DMXL2: variants seen among roughly 807,000 people sequenced by gnomAD.
The protein encoded by DMXL2 is dmX-like protein 2.
Under a neutral mutation model 331.1 loss-of-function variants are expected in DMXL2, and 103 were observed. The ratio of observed to expected loss-of-function variants is 0.31; its 90% CI spans 0.27 to 0.37. The LOEUF (loss-of-function observed/expected upper bound fraction) is 0.37. Ranked by LOEUF, DMXL2 falls within the 10% of genes least tolerant of loss-of-function variation. The probability of loss-of-function intolerance (pLI) is 1.00; values close to 1 mark genes in which losing one functional copy is unlikely to be tolerated. For synonymous variants in DMXL2, 1,281 were observed against 1,252.1 expected, an observed-to-expected ratio of 1.02 and a Z score of -0.49; for missense variants, 3,171 against 3,642.9, an observed-to-expected ratio of 0.87 and a Z score of 3.33.
chr15:51,609,993 T>G (rs1299990490), intron 1 of DMXL2, among the ~76,000 whole-genome samples: 3 of 151,830 alleles, frequency 2.0e-5, no homozygotes, highest in Non-Finnish European at 4.4e-5. Context: ...TGCACGACGA[T>G]GAAATTGCCT....
At chr15:51,483,189 G>A (rs765478878) in intron 23 of DMXL2, among the ~76,000 whole-genome samples, 21 of 152,148 alleles carry the variant, frequency 1.4e-4, no homozygotes, top group Admixed American at 7.2e-4. Flanking sequence ...TCACGCAACG[G>A]CACTGACCCA....
chr15:51,551,918 A>C (rs1447888288), intron 6 of DMXL2, among the ~76,000 whole-genome samples: 3 of 152,240 alleles, frequency 2.0e-5, no homozygotes, highest in African/African-American at 7.2e-5. Context: ...AAAGTATTTA[A>C]TAAGGAGACT....
chr15:51,577,584 A>G (rs930869381), intron 1 of DMXL2, among the ~76,000 whole-genome samples: 3 of 152,216 alleles, frequency 2.0e-5, no homozygotes, highest in African/African-American at 4.8e-5. Context: ...AGGAAAGCCA[A>G]ACTGAAGGGG....
Position 51,450,182 on chromosome 15 carries a change from A to C in DMXL2, c.8914T>G (p.Leu2972Val). The change falls in exon 43 of 44, where the codon TTG (leucine) becomes GTG (valine). Residue 2972 changes from leucine to valine, a missense_variant. Coordinates refer to ENST00000560891, the MANE Select transcript of DMXL2 (RefSeq NM_001378457.1). The stretch of plus-strand genomic sequence containing the variant: ...GTAAAATATTCCTCATAGGGATCCA[A>C]GGCCAGAGCCTTAATAGCTGAGTCA... ...AHDSAIKALA[L>V]DPYEEYFTTG... The C allele has an allele frequency of 3.7e-6, 6 of 1,614,120 alleles. No homozygotes were observed. Among genetic ancestry groups the C allele is most frequent in the Non-Finnish European group, 5.1e-6 (6 of 1,180,018 alleles).
chr15:51,520,812 G>A (rs12441870), intron 13 of DMXL2, among the ~76,000 whole-genome samples: 5,121 of 152,142 alleles, frequency 0.034, 153 homozygotes, highest in Middle Eastern at 0.085. Context: ...AGCTGAGATC[G>A]CGCCACTGCA....
In DMXL2 at chr15:51,480,666, C is replaced by G; in HGVS notation, c.6440G>C (p.Trp2147Ser). ...CAGGAGATCTTGGTTTTTCTGCAAC[C>G]ACGACTTTCGTCTTTCTGCATGCTC... ...KREHAERRKS[W>S]LQKNQDLLRV... The change falls in exon 24 of 44, where the codon TGG becomes TCG. Residue 2147 changes from tryptophan (W) to serine (S), a missense_variant. This residue lies in a region of DMXL2 where 197 missense variants were observed against 196.2 expected (regional missense o/e 1.00). Transcript: ENST00000560891. 3 of 1,612,848 alleles carry G rather than the reference C, an allele frequency of 1.9e-6. No individual in the cohort carries two copies. Among genetic ancestry groups the G allele is most frequent in the Non-Finnish European group, 2.5e-6 (3 of 1,179,002 alleles).
chr15:51,523,404 A>G (rs1335272861), intron 13 of DMXL2, among the ~76,000 whole-genome samples: 1 of 152,246 alleles, frequency 6.6e-6, no homozygotes, highest in Non-Finnish European at 1.5e-5. Flanking sequence ...GAGACTTTGA[A>G]AGTTCCTGAC....
Position 51,448,852 on chromosome 15 carries a change from A to C in DMXL2, c.*132T>G. ...CCACCAACCTGTTTAGATAATACTC[A>C]GCTTGGGTCATATTCAAATTCTACA... On this transcript the variant is annotated 3_prime_UTR_variant, in exon 44 of 44. Coordinates refer to ENST00000560891, the MANE Select transcript of DMXL2 (RefSeq NM_001378457.1). 3 of 884,762 alleles carry C rather than the reference A, an allele frequency of 3.4e-6. No homozygotes were observed. In the East Asian group the frequency reaches 7.9e-5, roughly 23 times the overall value. The allele number at this position is 884,762 out of a possible 1,614,324, so 54.8% of individuals were successfully genotyped here.
chr15:51,458,835 A>T, intron 34 of DMXL2, 40 bp from the exon 35 acceptor site: 14 of 1,534,320 alleles, frequency 9.1e-6, no homozygotes, highest in Non-Finnish European at 1.3e-5. Flanking sequence ...GCTGCAGCAC[A>T]GCTCTATTTA....
At chr15:51,622,120 C>A (rs1200423446) in intron 1 of DMXL2, among the ~76,000 whole-genome samples, 2 of 152,206 alleles carry the variant, frequency 1.3e-5, no homozygotes, top group Non-Finnish European at 2.9e-5. Context: ...AACGGACGCT[C>A]TGGGGTTTCA....
intron 1 of DMXL2, among the ~76,000 whole-genome samples, chr15:51,604,587 T>C (rs1471818864): frequency 6.6e-6 from 1 of 152,164 alleles, no homozygotes; most frequent in East Asian, 1.9e-4. Flanking sequence ...TAAACACTGA[T>C]GAAAAATCAA....
chr15:51,554,607 G>T (rs1390569454), intron 6 of DMXL2, among the ~76,000 whole-genome samples: 1 of 152,098 alleles, frequency 6.6e-6, no homozygotes, highest in Non-Finnish European at 1.5e-5. Flanking sequence ...ATTATTTGTA[G>T]ATTATTGAAC....
chr15:51,537,413 T>C lies in DMXL2; in HGVS notation c.1617+75A>G, dbSNP rs897503389. 5 of 1,425,178 alleles carry C rather than the reference T, an allele frequency of 3.5e-6. No individual in the cohort carries two copies. In the Middle Eastern group the frequency reaches 7.7e-4, roughly 220 times the overall value. 88.3% of individuals were successfully genotyped at this position (1,425,178 alleles called of 1,614,324 possible). ...AAAATTTTCAGTAATTCTAAAAACATGCTAACTCTACAAAGCATTTATTTC... is the reference window on the plus strand; with the variant it reads ...AAAATTTTCAGTAATTCTAAAAACACGCTAACTCTACAAAGCATTTATTTC... On this transcript the variant is annotated intron_variant, in intron 11 of 43. Transcript: ENST00000560891.
intron 13 of DMXL2, among the ~76,000 whole-genome samples, chr15:51,517,953 A>AGTTAGGTAGGTGTGGTGGCGTGCACC (rs1805549531): frequency 3.3e-5 from 5 of 152,210 alleles, no homozygotes; most frequent in Admixed American, 6.5e-5. Flanking sequence ...AGAAAAAAAT[A>AGTTAGGTAGGTGTGGTGGCGTGCACC]TGTAGTTAGG....
Position 51,499,406 on chromosome 15 carries a change from T to C in DMXL2, c.3818A>G (p.Gln1273Arg). Residue 1273 changes from glutamine to arginine, a missense_variant, in exon 18 of 44, where the codon CAG becomes CGG. Physicochemically the swap from Gln to Arg is conservative, Grantham distance 43. This residue lies in a region of DMXL2 where 1,674 missense variants were observed against 1,780.2 expected (regional missense o/e 0.94). Transcript: ENST00000560891. ...TCCAAATTTGACAGCATGCTTCCACTGTGCATATACATGCATTTCACAATC... is the reference window on the plus strand; with the variant it reads ...TCCAAATTTGACAGCATGCTTCCACCGTGCATATACATGCATTTCACAATC... Reference protein sequence around the residue: ...GMDCEMHVYAQWKHAVKFGDT... With the variant: ...GMDCEMHVYARWKHAVKFGDT... 6 of 1,613,970 alleles carry C rather than the reference T, an allele frequency of 3.7e-6. No individual in the cohort carries two copies. The highest frequency in any genetic ancestry group is 5.1e-6 in the Non-Finnish European group (6 of 1,180,032).
At chr15:51,592,925 G>A (rs1364676952) in intron 1 of DMXL2, among the ~76,000 whole-genome samples, 1 of 152,122 alleles carries the variant, frequency 6.6e-6, no homozygotes, top group African/African-American at 2.4e-5. Context: ...CACTAAACAT[G>A]GAAAGGAACA....
chr15:51,465,453 T>C (rs1350656864), intron 31 of DMXL2, 113 bp downstream of exon 31: 4 of 773,670 alleles, frequency 5.2e-6, no homozygotes, highest in African/African-American at 1.8e-5. Context: ...TTATAAAATA[T>C]CTAATGCACT....
chr15:51,593,658 G>T (rs1414553120), intron 1 of DMXL2, among the ~76,000 whole-genome samples: 1 of 152,104 alleles, frequency 6.6e-6, no homozygotes, highest in Non-Finnish European at 1.5e-5. Context: ...TGACCACATA[G>T]TTGGAAGTAA....
rs577818037 is a variant in DMXL2 at position 51,487,971 on chromosome 15, A to C, written c.5200T>G (p.Leu1734Val). The C allele has an allele frequency of 1.2e-6, 2 of 1,609,464 alleles. No individual in the cohort carries two copies. The highest frequency in any genetic ancestry group is 2.7e-5 in the African/African-American group (2 of 74,570). Reference sequence around the variant, plus strand: ...ATTTATACCTCTATGGCATCTTTCAATGAACCAGCTAGCAAGAAAAAAGCA... The same window carrying C: ...ATTTATACCTCTATGGCATCTTTCACTGAACCAGCTAGCAAGAAAAAAGCA... Reference protein sequence around the residue: ...SAAFFLLAGSLKDAIEVCLEK... With the variant: ...SAAFFLLAGSVKDAIEVCLEK... Residue 1734 changes from leucine (L) to valine (V), a missense_variant, in exon 22 of 44, where the codon TTG becomes GTG. This residue lies in a region of DMXL2 where 252 missense variants were observed against 387.4 expected (regional missense o/e 0.65). Transcript: ENST00000560891.
Sources: gnomAD v4.1 joint callset for allele counts (sites outside exome capture counted in the v4.1 genomes callset) on GRCh38, gnomAD v4.1.1 for gene constraint, gnomAD v4.1.1 regional missense constraint, MANE v1.5 for transcripts, NCBI Gene and HGNC (gene_info 2026-07-23, HGNC 2026-07-21) for gene names.